SNAP91: variants seen among roughly 807,000 people sequenced by gnomAD.
SNAP91 encodes clathrin coat assembly protein AP180.
A neutral mutation model predicts 100.3 loss-of-function variants in SNAP91; 27 were observed. The observed-to-expected ratio is 0.27, with a 90% confidence interval of 0.20 to 0.37. The LOEUF is 0.37. Among genes scored for constraint, SNAP91 ranks in the 10% least tolerant of loss-of-function variants. The probability of loss-of-function intolerance (pLI) is 1.00; values close to 1 mark genes in which losing one functional copy is unlikely to be tolerated. For missense variants in SNAP91, 986 were observed against 1,123.7 expected (o/e 0.88, Z 1.75); for synonymous variants, 404 against 398.6 (o/e 1.01, Z -0.16).
intron 9 of SNAP91, among the ~76,000 whole-genome samples, chr6:83,618,672 T>TCTACTAATTTGCTG (rs1288856120): frequency 6.6e-6 from 1 of 151,950 alleles, no homozygotes; most frequent in Non-Finnish European, 1.5e-5. Flanking sequence ...TTCAAAATTG[T>TCTACTAATTTGCTG]CATACTAATT....
chr6:83,691,937 A>G (rs2099136077), intron 2 of SNAP91, among the ~76,000 whole-genome samples: 1 of 152,204 alleles, frequency 6.6e-6, no homozygotes. Context: ...AATAAAGTAT[A>G]AGTTATATTT....
chr6:83,576,225 TA>T (rs1316418617), intron 24 of SNAP91, among the ~76,000 whole-genome samples, 172 bp from the exon 25 acceptor site: 1 of 152,206 alleles, frequency 6.6e-6, no homozygotes, highest in Non-Finnish European at 1.5e-5. Flanking sequence ...TTTCATAAAT[TA>T]AAGATTTTCT....
chr6:83,686,320 C>G (rs1192174799), intron 2 of SNAP91: 4 of 287,450 alleles, frequency 1.4e-5, no homozygotes, highest in Non-Finnish European at 2.1e-5. Flanking sequence ...TCTGAATAAG[C>G]TGATAATATT....
At chr6:83,661,754 C>A in intron 4 of SNAP91, 150 bp from the exon 5 acceptor site, 1 of 431,832 alleles carries the variant, frequency 2.3e-6, no homozygotes, top group Non-Finnish European at 4.1e-6. Flanking sequence ...TAAAATCCTG[C>A]TTCTAGGCAA....
intron 9 of SNAP91, among the ~76,000 whole-genome samples, chr6:83,618,088 G>T (rs145224581): frequency 6.6e-6 from 1 of 151,876 alleles, no homozygotes; most frequent in East Asian, 1.9e-4. Context: ...ATGACAGAAT[G>T]AAATTCTTAC....
chr6:83,688,084 G>A (rs1301203333), intron 2 of SNAP91, among the ~76,000 whole-genome samples: 1 of 152,068 alleles, frequency 6.6e-6, no homozygotes, highest in Non-Finnish European at 1.5e-5. Flanking sequence ...AGGTTTCTCT[G>A]GTCTCTTATC....
intron 9 of SNAP91, among the ~76,000 whole-genome samples, chr6:83,619,636 T>C (rs928681431): frequency 6.6e-6 from 1 of 152,214 alleles, no homozygotes; most frequent in Non-Finnish European, 1.5e-5. Context: ...ATCAGTTGTA[T>C]GGTCTTTAAA....
At chr6:83,606,156 T>C (rs1189204253) in intron 13 of SNAP91, among the ~76,000 whole-genome samples, 7 of 152,356 alleles carry the variant, frequency 4.6e-5, no homozygotes, top group African/African-American at 1.7e-4. Flanking sequence ...AGTTGATCTA[T>C]GTGCAGCATT....
chr6:83,561,587 A>G (rs1787812938), intron 26 of SNAP91, among the ~76,000 whole-genome samples: 1 of 152,004 alleles, frequency 6.6e-6, no homozygotes, highest in Non-Finnish European at 1.5e-5. Flanking sequence ...TTTTAGACCC[A>G]TCCTCCCTGG....
At chr6:83,626,704 G>A (rs1205205386) in intron 8 of SNAP91, among the ~76,000 whole-genome samples, 2 of 151,826 alleles carry the variant, frequency 1.3e-5, no homozygotes, top group South Asian at 2.1e-4. Flanking sequence ...ATGTTTGTAG[G>A]TAGATTTTGT....
intron 28 of SNAP91, among the ~76,000 whole-genome samples, chr6:83,558,669 C>T (rs936953392): frequency 2.6e-5 from 4 of 152,128 alleles, no homozygotes; most frequent in African/African-American, 7.2e-5. Flanking sequence ...AGCAGGTATT[C>T]CATGGATAAG....
At position 83,575,487 on chromosome 6, in the gene SNAP91, A is replaced by G. The variant is rs554418447; in HGVS notation, c.2331-366T>C. ...TTGTTGAATTTAAGATGCACTGATGATGGCACTTTCTGGATCTTAGAGGGT... is the reference window on the plus strand; with the variant it reads ...TTGTTGAATTTAAGATGCACTGATGGTGGCACTTTCTGGATCTTAGAGGGT... On this transcript the variant is annotated intron_variant, in intron 25 of 29. Coordinates refer to ENST00000369694, the MANE Select transcript of SNAP91 (RefSeq NM_001242792.2). 1.5e-5 allele frequency: 4 copies of G among 263,584 alleles called. No individual in the cohort carries two copies. The East Asian group carries it at 5.5e-4, about 36-fold the overall frequency. 16.3% of individuals were successfully genotyped at this position (263,584 alleles called of 1,614,324 possible).
intron 2 of SNAP91, chr6:83,686,279 T>A: frequency 1.4e-6 from 1 of 739,694 alleles, no homozygotes; most frequent in African/African-American, 1.9e-5. Flanking sequence ...GTTACTCAGT[T>A]AAGCACTATT....
intron 2 of SNAP91, among the ~76,000 whole-genome samples, chr6:83,698,379 C>G (rs1327811203): frequency 6.7e-6 from 1 of 148,368 alleles, no homozygotes; most frequent in East Asian, 2.0e-4. Context: ...TAAAGTAATA[C>G]TGAAGAGGAG....
chr6:83,567,910 G>C (rs1204350074), intron 26 of SNAP91, among the ~76,000 whole-genome samples: 2 of 152,036 alleles, frequency 1.3e-5, no homozygotes, highest in African/African-American at 2.4e-5. Flanking sequence ...CTGTAAACTA[G>C]TTCAACCATT....
rs374341222 is a variant in SNAP91 at position 83,707,882 on chromosome 6, T to C, written c.46A>G (p.Ser16Gly). 1.3e-5 allele frequency: 21 copies of C among 1,605,352 alleles called. No homozygotes were observed. Among genetic ancestry groups the C allele is most frequent in the East Asian group, 2.2e-5 (1 of 44,454 alleles). ...CTTGCTACAGCAGAGCCTGTAACGC[T>C]GTACTGAGCGGCGGCGATCCGATCC... ...LTDRIAAAQY[S>G]VTGSAVARAV... The change falls in exon 2 of 30, where the codon AGC becomes GGC. Residue 16 changes from serine (S) to glycine (G), a missense_variant. Ser to Gly is a moderately conservative substitution (Grantham distance 56). Around this residue, in one of 4 missense-constraint regions of SNAP91, gnomAD observed 330 missense variants for 447.5 expected, o/e 0.74. Transcript: ENST00000369694.
At chr6:83,695,276 C>CAAAAAAAAAAAAAAAAAAAAAAAAAAA (rs56103542) in intron 2 of SNAP91, among the ~76,000 whole-genome samples, 1 of 67,318 alleles carries the variant, frequency 1.5e-5, no homozygotes, top group Non-Finnish European at 2.5e-5. Context: ...GGCTCCATCT[C>CAAAAAAAAAAAAAAAAAAAAAAAAAAA]AAAAAAAAAA....
At chr6:83,637,931 G>A (rs1351557011) in intron 8 of SNAP91, among the ~76,000 whole-genome samples, 1 of 152,178 alleles carries the variant, frequency 6.6e-6, no homozygotes, top group African/African-American at 2.4e-5. Flanking sequence ...GCTGTGCTGG[G>A]GGTGCCAGAC....
chr6:83,580,142 A>C (rs1582102182), intron 24 of SNAP91, among the ~76,000 whole-genome samples: 1 of 152,190 alleles, frequency 6.6e-6, no homozygotes, highest in East Asian at 1.9e-4. Flanking sequence ...AATGAAATGG[A>C]AAGTTAAGTG....
Sources: gnomAD v4.1 joint callset for allele counts (sites outside exome capture counted in the v4.1 genomes callset) on GRCh38, gnomAD v4.1.1 for gene constraint, gnomAD v4.1.1 regional missense constraint, MANE v1.5 for transcripts, NCBI Gene and HGNC (gene_info 2026-07-23, HGNC 2026-07-21) for gene names.